PRKCA: variants seen among roughly 807,000 people sequenced by gnomAD.
PRKCA encodes the protein protein kinase C alpha type.
In PRKCA, 27 loss-of-function variants were observed where a neutral mutation model predicts 87.0. The ratio of observed to expected loss-of-function variants is 0.31; its 90% CI spans 0.23 to 0.43. The LOEUF (loss-of-function observed/expected upper bound fraction) is 0.43. PRKCA is among the 20% of genes least tolerant of loss of function. The pLI, the probability that PRKCA is intolerant of heterozygous loss-of-function variation, is 1.00. For missense variants in PRKCA, 518 were observed against 852.3 expected (o/e 0.61, Z 4.88); for synonymous variants, 329 against 311.1 (o/e 1.06, Z -0.61).
intron 14 of PRKCA, among the ~76,000 whole-genome samples, chr17:66,781,734 G>C (rs1216138011): frequency 2.0e-5 from 3 of 152,022 alleles, no homozygotes; most frequent in Non-Finnish European, 4.4e-5. Flanking sequence ...TGGAGTTTCA[G>C]TTGGGAAGAT....
intron 3 of PRKCA, among the ~76,000 whole-genome samples, chr17:66,604,294 A>G (rs1216198577): frequency 8.5e-5 from 13 of 152,214 alleles, no homozygotes; most frequent in Admixed American, 8.5e-4. Context: ...TGGCATAATA[A>G]ACATTTTCTT....
chr17:66,422,509 T>C (rs1269302832), intron 2 of PRKCA, among the ~76,000 whole-genome samples: 1 of 152,190 alleles, frequency 6.6e-6, no homozygotes, highest in Non-Finnish European at 1.5e-5. Flanking sequence ...AGGAATGCCC[T>C]GAAGACATGT....
chr17:66,650,450 A>G (rs1318047221), intron 5 of PRKCA, among the ~76,000 whole-genome samples: 1 of 152,162 alleles, frequency 6.6e-6, no homozygotes. Context: ...TAAAAAAAAA[A>G]TCCCTCATGG....
intron 3 of PRKCA, among the ~76,000 whole-genome samples, chr17:66,619,270 CT>C (rs1970605761): frequency 1.3e-5 from 2 of 152,336 alleles, no homozygotes; most frequent in South Asian, 2.1e-4. Context: ...TCTCCTCACT[CT>C]CTTTCGTATC....
At chr17:66,584,431 G>T (rs1969534098) in intron 3 of PRKCA, among the ~76,000 whole-genome samples, 1 of 152,074 alleles carries the variant, frequency 6.6e-6, no homozygotes, top group Non-Finnish European at 1.5e-5. Flanking sequence ...TCACCGTATT[G>T]ATCAGGCTGG....
rs373611153 is a variant in PRKCA at position 66,759,341 on chromosome 17, G to A, written c.1525-14646G>A. Among the ~76,000 whole-genome samples, 53 of 151,384 alleles carry A rather than the reference G, an allele frequency of 3.5e-4. No individual in the cohort carries two copies. In the East Asian group the frequency reaches 5.2e-3, roughly 15 times the overall value. On this transcript the variant is annotated intron_variant, in intron 13 of 16. Transcript: ENST00000413366. ...ACTGCACTCCAGCCTGGGTGACAGA[G>A]CGAGACTCCGTCTCAAAAAAAAAAA... is the stretch of plus-strand genomic sequence containing the variant.
At chr17:66,781,868 G>GAGATAGATATATAT (rs1491546533) in intron 14 of PRKCA, among the ~76,000 whole-genome samples, 5 of 99,322 alleles carry the variant, frequency 5.0e-5, no homozygotes, top group African/African-American at 1.9e-4. Context: ...GAGAGAGAGA[G>GAGATAGATATATAT]ATATATATAT....
chr17:66,662,379 C>T (rs1971930788), intron 5 of PRKCA, among the ~76,000 whole-genome samples: 1 of 152,160 alleles, frequency 6.6e-6, no homozygotes, highest in Non-Finnish European at 1.5e-5. Context: ...TTTCTACTGA[C>T]AGTTTTGCCA....
intron 2 of PRKCA, among the ~76,000 whole-genome samples, chr17:66,435,500 A>T (rs924161769): frequency 1.3e-5 from 2 of 152,196 alleles, no homozygotes; most frequent in Non-Finnish European, 2.9e-5. Flanking sequence ...GATGCCGCCT[A>T]CAAAAGGTAT....
chr17:66,515,711 T>A (rs913247181), intron 3 of PRKCA, among the ~76,000 whole-genome samples: 1 of 152,022 alleles, frequency 6.6e-6, no homozygotes, highest in African/African-American at 2.4e-5. Flanking sequence ...ACCCAGCTAA[T>A]TTTTTATATT....
intron 5 of PRKCA, among the ~76,000 whole-genome samples, chr17:66,674,594 A>T (rs978290080): frequency 6.6e-6 from 1 of 152,198 alleles, no homozygotes. Flanking sequence ...TGTGGGCCAG[A>T]AGACGGAGCG....
rs970094990 is a variant in PRKCA, at chr17:66,777,569, T to C, written c.1605+3502T>C. On this transcript the variant is annotated intron_variant, in intron 14 of 16. Transcript: ENST00000413366. ...TCTGCTCCTCAAGTTAATTTCCCCCTCTTTAAAATTTTTACAGTAAAATTC... is the reference window on the plus strand; with the variant it reads ...TCTGCTCCTCAAGTTAATTTCCCCCCCTTTAAAATTTTTACAGTAAAATTC... The C allele has an allele frequency of 4.8e-5, 47 of 984,624 alleles. No individual in the cohort carries two copies. In the South Asian group the frequency reaches 1.9e-3, roughly 40 times the overall value. 61.0% of individuals were successfully genotyped at this position (984,624 alleles called of 1,614,324 possible).
chr17:66,322,965 C>T (rs1441514327), intron 2 of PRKCA, among the ~76,000 whole-genome samples: 2 of 152,234 alleles, frequency 1.3e-5, no homozygotes, highest in East Asian at 1.9e-4. Context: ...TCATCCCTCC[C>T]ACCAAAGTAA....
In PRKCA at chr17:66,354,791, T is replaced by G. The variant is rs148125503; in HGVS notation, c.205+48664T>G. On this transcript the variant is annotated intron_variant, in intron 2 of 16. Coordinates refer to ENST00000413366, the MANE Select transcript of PRKCA (RefSeq NM_002737.3). Reference sequence around the variant, plus strand: ...AAGATGATATTGCCTTGCACATAAATAAAGTACTTTTTTTTCCTCTGCAAA... The same window carrying G: ...AAGATGATATTGCCTTGCACATAAAGAAAGTACTTTTTTTTCCTCTGCAAA... 4.4e-3 allele frequency among the ~76,000 whole-genome samples: 667 copies of G among 152,320 alleles called. 7 individuals carry two copies. The highest frequency in any genetic ancestry group is 0.015 in the African/African-American group (643 of 41,558).
chr17:66,780,389 A>G (rs968327871), intron 14 of PRKCA, among the ~76,000 whole-genome samples: 3 of 152,142 alleles, frequency 2.0e-5, no homozygotes, highest in African/African-American at 4.8e-5. Context: ...TGAAAATAAT[A>G]TAAGAGGCTG....
chr17:66,731,172 G>A (rs970487862), intron 8 of PRKCA, among the ~76,000 whole-genome samples: 15 of 151,990 alleles, frequency 9.9e-5, no homozygotes, highest in African/African-American at 3.6e-4. Context: ...CCAACATGGC[G>A]AAACCCCATC....
chr17:66,305,739 C>G (rs1904780380), intron 1 of PRKCA, among the ~76,000 whole-genome samples: 2 of 152,312 alleles, frequency 1.3e-5, no homozygotes, highest in Non-Finnish European at 2.9e-5. Flanking sequence ...CTTCCTTTTA[C>G]AATTTTAACC....
At chr17:66,324,252 T>G (rs1905844581) in intron 2 of PRKCA, among the ~76,000 whole-genome samples, 1 of 152,040 alleles carries the variant, frequency 6.6e-6, no homozygotes, top group African/African-American at 2.4e-5. Flanking sequence ...TCAGGGAGTT[T>G]AAAATATAAC....
chr17:66,593,581 C>T (rs767288508), intron 3 of PRKCA, among the ~76,000 whole-genome samples: 2 of 152,160 alleles, frequency 1.3e-5, no homozygotes, highest in African/African-American at 2.4e-5. Flanking sequence ...GGGTTCCTAT[C>T]ACTAAAAGAA....
Sources: allele counts gnomAD v4.1 joint callset (sites outside exome capture counted in the v4.1 genomes callset), GRCh38; gene constraint gnomAD v4.1.1; transcripts MANE v1.5; gene names NCBI Gene and HGNC (gene_info 2026-07-23, HGNC 2026-07-21).